TMOD1: variants seen among roughly 807,000 people sequenced by gnomAD.
The protein encoded by TMOD1 is tropomodulin 1.
Under a neutral mutation model 40.6 loss-of-function variants are expected in TMOD1, and 17 were observed. The ratio of observed to expected loss-of-function variants is 0.42; its 90% confidence interval spans 0.29 to 0.63. TMOD1 has a LOEUF of 0.63. Ranked by LOEUF, TMOD1 falls within the 20% of genes least tolerant of loss-of-function variation. TMOD1 has a pLI of 0.22. For missense variants in TMOD1, 391 were observed against 447.6 expected (o/e 0.87, Z 1.14); for synonymous variants, 181 against 175.0 (o/e 1.03, Z -0.27).
chr9:97,554,721 C>T (rs1386743268), intron 4 of TMOD1, among the ~76,000 whole-genome samples: 1 of 151,990 alleles, frequency 6.6e-6, no homozygotes, highest in East Asian at 1.9e-4. Context: ...GCATGTAAGC[C>T]CAGAGGCCAC....
intron 1 of TMOD1, among the ~76,000 whole-genome samples, chr9:97,518,478 G>A (rs1055220481): frequency 6.6e-6 from 1 of 152,250 alleles, no homozygotes; most frequent in Non-Finnish European, 1.5e-5. Context: ...GGCATCCCCA[G>A]GAAACAAATA....
At chr9:97,566,066 T>C (rs904801657) in intron 7 of TMOD1, 111 bp downstream of exon 7, 1 of 888,514 alleles carries the variant, frequency 1.1e-6, no homozygotes, top group Non-Finnish European at 1.8e-6. Flanking sequence ...CTCTATGTGG[T>C]ACAGTGGAAG....
chr9:97,565,744 C>T, intron 6 of TMOD1, 104 bp from the exon 7 acceptor site: 1 of 914,598 alleles, frequency 1.1e-6, no homozygotes, highest in South Asian at 1.6e-5. Flanking sequence ...GCTTTTTGGC[C>T]AGAGACTTGC....
chr9:97,548,966 C>G (rs1332129490), intron 3 of TMOD1, among the ~76,000 whole-genome samples: 4 of 152,152 alleles, frequency 2.6e-5, no homozygotes, highest in African/African-American at 9.7e-5. Context: ...CACACCAGGC[C>G]TACAGTCAGC....
At chr9:97,593,080 C>G (rs1826034730) in intron 9 of TMOD1, among the ~76,000 whole-genome samples, 1 of 152,234 alleles carries the variant, frequency 6.6e-6, no homozygotes, top group South Asian at 2.1e-4. Context: ...CCTTGCGTTT[C>G]TATTCTATAT....
intron 4 of TMOD1, among the ~76,000 whole-genome samples, chr9:97,560,793 G>A (rs1830627873): frequency 6.6e-6 from 1 of 151,756 alleles, no homozygotes; most frequent in Non-Finnish European, 1.5e-5. Flanking sequence ...AATCTGGGAG[G>A]TGGAGTTTAC....
chr9:97,528,247 C>A (rs975865441), intron 2 of TMOD1, among the ~76,000 whole-genome samples: 2 of 152,124 alleles, frequency 1.3e-5, no homozygotes, highest in Non-Finnish European at 2.9e-5. Flanking sequence ...GGTCGCAGGA[C>A]CCAGGCAGGC....
intron 2 of TMOD1, among the ~76,000 whole-genome samples, chr9:97,530,489 GTT>G (rs1339339559): frequency 7.1e-5 from 10 of 139,968 alleles, no homozygotes; most frequent in Admixed American, 1.4e-4. Flanking sequence ...CTACTGAGGA[GTT>G]TTTTTTTTTT....
At position 97,601,238 on chromosome 9, in the gene TMOD1, A is replaced by G; in HGVS notation, c.*1540A>G. On this transcript the variant is annotated 3_prime_UTR_variant, in exon 10 of 10. Transcript: ENST00000259365. Reference sequence around the variant, plus strand: ...GCTGAAAACTGCAATATAATATTAAATCTGTTGGTCTATGCATGGCTGCGT... The same window carrying G: ...GCTGAAAACTGCAATATAATATTAAGTCTGTTGGTCTATGCATGGCTGCGT... 1 of 1,260,280 alleles carries G rather than the reference A, an allele frequency of 7.9e-7. No individual in the cohort carries two copies. The highest frequency in any genetic ancestry group is 2.5e-5 in the Admixed American group (1 of 40,162). 78.1% of individuals were successfully genotyped at this position (1,260,280 alleles called of 1,614,324 possible).
Position 97,553,376 on chromosome 9 carries a change from G to T in TMOD1, c.373G>T (p.Asp125Tyr), listed in dbSNP as rs781411834. ...ELEEALANAS[D>Y]AELCDIAAIL... The stretch of plus-strand genomic sequence containing the variant: ...GGAGGAAGCCTTGGCAAATGCTTCA[G>T]ATGCAGAACTCTGTGACATTGCAGG... The change falls in exon 4 of 10, where the codon GAT becomes TAT. Residue 125 changes from aspartate (D) to tyrosine (Y), a missense_variant. Coordinates refer to ENST00000259365, the MANE Select transcript of TMOD1 (RefSeq NM_003275.4). The T allele has an allele frequency of 6.2e-7, 1 of 1,614,240 alleles. No individual in the cohort carries two copies. Among genetic ancestry groups the T allele is most frequent in the South Asian group, 1.1e-5 (1 of 91,084 alleles).
At chr9:97,533,545 C>T (rs1830134602) in intron 2 of TMOD1, among the ~76,000 whole-genome samples, 2 of 152,248 alleles carry the variant, frequency 1.3e-5, no homozygotes, top group Admixed American at 1.3e-4. Flanking sequence ...CCAGATGTGA[C>T]TGCCCTGACA....
intron 9 of TMOD1, among the ~76,000 whole-genome samples, chr9:97,595,092 T>A (rs1277964043): frequency 6.6e-6 from 1 of 151,382 alleles, no homozygotes; most frequent in Non-Finnish European, 1.5e-5. Flanking sequence ...CTAAAAAAAA[T>A]GTATTTTATT....
chr9:97,593,881 T>C (rs1826050633), intron 9 of TMOD1, among the ~76,000 whole-genome samples: 1 of 151,918 alleles, frequency 6.6e-6, no homozygotes, highest in Non-Finnish European at 1.5e-5. Context: ...TTGGAGGAAC[T>C]GTTAAAAGGA....
chr9:97,546,163 C>T lies in TMOD1; in HGVS notation c.121-22C>T, dbSNP rs771931073. The T allele has an allele frequency of 2.5e-6, 4 of 1,590,816 alleles. No individual in the cohort carries two copies. In the Admixed American group the frequency reaches 5.5e-5, roughly 22 times the overall value. On this transcript the variant is annotated intron_variant, in intron 2 of 9. Transcript: ENST00000259365. ...CTCTCTCTCTTTCTCTCTCTCCTGC[C>T]CCCCCACAACCTCCAATGTAGAATG... is the stretch of plus-strand genomic sequence containing the variant.
At chr9:97,533,886 A>G (rs1587926076) in intron 2 of TMOD1, among the ~76,000 whole-genome samples, 1 of 152,220 alleles carries the variant, frequency 6.6e-6, no homozygotes, top group Non-Finnish European at 1.5e-5. Flanking sequence ...ACAGGTAGGC[A>G]ATCTAGGGCT....
intron 1 of TMOD1, among the ~76,000 whole-genome samples, chr9:97,508,691 C>A (rs1452534280): frequency 6.6e-6 from 1 of 152,162 alleles, no homozygotes; most frequent in East Asian, 1.9e-4. Flanking sequence ...CTGGCTCTAC[C>A]ACTTATTAGC....
intron 7 of TMOD1, among the ~76,000 whole-genome samples, chr9:97,566,657 C>T (rs11791428): frequency 0.17 from 26,389 of 151,574 alleles, 2,958 homozygotes; most frequent in East Asian, 0.47. Flanking sequence ...GGCGACAGAG[C>T]GAGGCTCCAT....
intron 1 of TMOD1, chr9:97,517,676 A>G (rs771513909): frequency 5.2e-5 from 8 of 152,942 alleles, no homozygotes; most frequent in Non-Finnish European, 8.7e-5. Flanking sequence ...CCAGCCAGGG[A>G]GAACGTGAGA....
intron 3 of TMOD1, among the ~76,000 whole-genome samples, chr9:97,551,014 A>ATAT (rs1243994680): frequency 8.5e-4 from 89 of 104,232 alleles, no homozygotes; most frequent in African/African-American, 3.1e-3. Context: ...ATATATATAT[A>ATAT]TTTTTTTTTT....
Sources: gnomAD v4.1 joint callset for allele counts (sites outside exome capture counted in the v4.1 genomes callset) on GRCh38, gnomAD v4.1.1 for gene constraint, MANE v1.5 for transcripts, NCBI Gene and HGNC (gene_info 2026-07-23, HGNC 2026-07-21) for gene names.